Variants in DMRTA1 observed in about 807,000 individuals in gnomAD.
DMRTA1 encodes doublesex- and mab-3-related transcription factor A1.
In DMRTA1, 34 loss-of-function variants were observed where a neutral mutation model predicts 35.2. The ratio of observed to expected loss-of-function variants is 0.97; its 90% confidence interval spans 0.74 to 1.29. DMRTA1 has a LOEUF of 1.29. Among genes scored for constraint, DMRTA1 ranks in the 50% most tolerant of loss-of-function variants. DMRTA1 has a pLI of 0.00. For synonymous variants in DMRTA1, 344 were observed against 276.6 expected (o/e 1.24, Z -2.42); for missense variants, 824 against 644.6 (o/e 1.28, Z -3.01).
In DMRTA1 at chr9:22,447,532, T is replaced by C. The variant is rs748414619; in HGVS notation, c.467T>C (p.Leu156Pro). 49 of 1,582,298 alleles carry C rather than the reference T, an allele frequency of 3.1e-5. No individual in the cohort carries two copies. In the African/African-American group the frequency reaches 5.8e-4, roughly 19 times the overall value. The change falls in exon 1 of 2, where the codon CTA becomes CCA. Residue 156 changes from leucine (L) to proline (P), a missense_variant. Coordinates refer to ENST00000325870, the MANE Select transcript of DMRTA1 (RefSeq NM_022160.3). ...QAQEESEARGLQRLLCSGLSW... is the reference protein window; with the variant it reads ...QAQEESEARGPQRLLCSGLSW... ...CAGGAGGAGAGCGAAGCCCGGGGGCTACAGAGGCTCCTGTGCTCGGGGCTC... is the reference window on the plus strand; with the variant it reads ...CAGGAGGAGAGCGAAGCCCGGGGGCCACAGAGGCTCCTGTGCTCGGGGCTC...
At position 22,447,283 on chromosome 9, in the gene DMRTA1, G is replaced by T; in HGVS notation, c.218G>T (p.Gly73Val). 1 of 1,504,928 alleles carries T rather than the reference G, an allele frequency of 6.6e-7. No individual in the cohort carries two copies. Among genetic ancestry groups the T allele is most frequent in the South Asian group, 1.3e-5 (1 of 78,996 alleles). The allele number at this position is 1,504,928 out of a possible 1,614,324, so 93.2% of individuals were successfully genotyped here. The change falls in exon 1 of 2, where the codon GGC becomes GTC. Residue 73 changes from glycine (G) to valine (V), a missense_variant. Coordinates refer to ENST00000325870, the MANE Select transcript of DMRTA1 (RefSeq NM_022160.3). ...GCTGCCGCCACCTCGGGAAGCGGAG[G>T]CTGCCCGCCGGCTCCCGGGCTGGAG... ...AAAAATSGSG[G>V]CPPAPGLESG... is the part of the protein sequence containing the mutation.
chr9:22,446,946 C>A lies in DMRTA1; in HGVS notation c.-120C>A. 2 of 1,287,346 alleles carry A rather than the reference C, an allele frequency of 1.6e-6. No homozygotes were observed. Among genetic ancestry groups the A allele is most frequent in the South Asian group, 2.9e-5 (2 of 69,470 alleles). 79.7% of individuals were successfully genotyped at this position (1,287,346 alleles called of 1,614,324 possible). On this transcript the variant is annotated 5_prime_UTR_variant, in exon 1 of 2. Transcript: ENST00000325870. The stretch of plus-strand genomic sequence containing the variant: ...AAAGAGTGTAAAACTTTTGTCCGTG[C>A]GCGGGTGGAGCTCAGTAGGACCACG...
chr9:22,453,843 T>G lies in DMRTA1; in HGVS notation c.*1932T>G, dbSNP rs1437318785. On this transcript the variant is annotated 3_prime_UTR_variant, in exon 2 of 2. Transcript: ENST00000325870. The stretch of plus-strand genomic sequence containing the variant: ...TGCTATTTTTCTGAAAAGTGCTAGA[T>G]CCTGTAGAGGATACTGAATGTAAAA... The G allele has an allele frequency of 2.6e-5, 4 of 152,030 alleles. No homozygotes were observed. Among genetic ancestry groups the G allele is most frequent in the Admixed American group, 2.6e-4 (4 of 15,256 alleles). 9.4% of individuals were successfully genotyped at this position (152,030 alleles called of 1,614,324 possible).
In DMRTA1 at chr9:22,451,773, G is replaced by C. The variant is rs1818933773; in HGVS notation, c.1377G>C (p.Gly459=). The change falls in exon 2 of 2, where the codon GGG becomes GGC. Residue 459 remains glycine, a synonymous_variant. Transcript: ENST00000325870. ...TTATGTCACCCTACCTAACACCTGG[G>C]TTAGTACCAACCTTACCTTTTCGGC... ...SGFMSPYLTP[G]LVPTLPFRPA... 3 of 1,614,062 alleles carry C rather than the reference G, an allele frequency of 1.9e-6. No individual in the cohort carries two copies. Among genetic ancestry groups the C allele is most frequent in the African/African-American group, 1.3e-5 (1 of 75,034 alleles).
Position 22,451,342 on chromosome 9 carries a change from A to G in DMRTA1, c.946A>G (p.Lys316Glu). ...ATGGGTCAAAGACTTGACTGCGACC[A>G]AGGCAAGCCTTCCGACAGTGTCCTC... is the stretch of plus-strand genomic sequence containing the variant. The part of the protein sequence containing the change: ...SEWVKDLTAT[K>E]ASLPTVSSRP... Residue 316 changes from lysine to glutamate, a missense_variant, in exon 2 of 2, where the codon AAG (lysine) becomes GAG (glutamate). Physicochemically the swap from Lys to Glu is moderately conservative, Grantham distance 56. Transcript: ENST00000325870. 6.2e-7 allele frequency: 1 copy of G among 1,614,118 alleles called. No homozygotes were observed. Among genetic ancestry groups the G allele is most frequent in the Non-Finnish European group, 8.5e-7 (1 of 1,179,982 alleles).
chr9:22,453,612 T>G lies in DMRTA1; in HGVS notation c.*1701T>G, dbSNP rs1269308266. On this transcript the variant is annotated 3_prime_UTR_variant, in exon 2 of 2. Coordinates refer to ENST00000325870, the MANE Select transcript of DMRTA1 (RefSeq NM_022160.3). ...ACAATGTCTAGCAAGTAGTTGAAAT[T>G]CAATTCATATATACTGAGTAAGAAA... 1 of 152,114 alleles carries G rather than the reference T, an allele frequency of 6.6e-6. No homozygotes were observed. The highest frequency in any genetic ancestry group is 1.5e-5 in the Non-Finnish European group (1 of 67,944). The allele number at this position is 152,114 out of a possible 1,614,324, so 9.4% of individuals were successfully genotyped here. A position where few individuals can be genotyped will look rare whatever the true frequency, so the allele number is the denominator to read the frequency against.
At chr9:22,449,191 G>C (rs1036285591) in intron 1 of DMRTA1, among the ~76,000 whole-genome samples, 6 of 152,110 alleles carry the variant, frequency 3.9e-5, no homozygotes, top group Non-Finnish European at 8.8e-5. Flanking sequence ...TTACACAATA[G>C]CCATGAACTG....
Position 22,451,153 on chromosome 9 carries a change from A to G in DMRTA1, c.757A>G (p.Arg253Gly), listed in dbSNP as rs1563826321. The change falls in exon 2 of 2, where the codon AGG (arginine) becomes GGG (glycine). Residue 253 changes from arginine to glycine, a missense_variant. Physicochemically the swap from Arg to Gly is moderately radical, Grantham distance 125. Coordinates refer to ENST00000325870, the MANE Select transcript of DMRTA1 (RefSeq NM_022160.3). Reference sequence around the variant, plus strand: ...TCAGCTTTACCTAGGATCATCTTCTAGGTCTAATGGTGTCATTGGGAAACA... The same window carrying G: ...TCAGCTTTACCTAGGATCATCTTCTGGGTCTAATGGTGTCATTGGGAAACA... ...SHQLYLGSSS[R>G]SNGVIGKQSI... is the part of the protein sequence containing the mutation. 2 of 1,614,048 alleles carry G rather than the reference A, an allele frequency of 1.2e-6. No homozygotes were observed. The highest frequency in any genetic ancestry group is 1.7e-6 in the Non-Finnish European group (2 of 1,179,954).
chr9:22,452,009 A>G lies in DMRTA1; in HGVS notation c.*98A>G, dbSNP rs1267492210. On this transcript the variant is annotated 3_prime_UTR_variant, in exon 2 of 2. Coordinates refer to ENST00000325870, the MANE Select transcript of DMRTA1 (RefSeq NM_022160.3). ...CATCCATTAATATACTTCAGTAAGT[A>G]TGTGAGTGGATTATGAGGTCTTAAA... The G allele has an allele frequency of 7.3e-7, 1 of 1,374,526 alleles. No homozygotes were observed. Among genetic ancestry groups the G allele is most frequent in the Non-Finnish European group, 9.7e-7 (1 of 1,031,018 alleles). 85.1% of individuals were successfully genotyped at this position (1,374,526 alleles called of 1,614,324 possible).
chr9:22,451,649 C>T lies in DMRTA1; in HGVS notation c.1253C>T (p.Ser418Phe). ...TCTCCTCTTCAAACTACTTCTGCTT[C>T]TTATGGAGGTGATTCAAGTCTCTAC... ...AFSPLQTTSA[S>F]YGGDSSLYGV... Residue 418 changes from serine (S) to phenylalanine (F), a missense_variant, in exon 2 of 2, where the codon TCT becomes TTT. Coordinates refer to ENST00000325870, the MANE Select transcript of DMRTA1 (RefSeq NM_022160.3). 6.2e-7 allele frequency: 1 copy of T among 1,614,106 alleles called. No individual in the cohort carries two copies. The highest frequency in any genetic ancestry group is 8.5e-7 in the Non-Finnish European group (1 of 1,179,964).
Position 22,455,629 on chromosome 9 carries a change from C to T in DMRTA1, c.*3718C>T, listed in dbSNP as rs746442644. ...AGCGTACAGGCTTAGTTCCAGACTT[C>T]GTGTTTGGTTGTTCATTTCATAGGC... On this transcript the variant is annotated 3_prime_UTR_variant, in exon 2 of 2. Transcript: ENST00000325870. The T allele has an allele frequency of 1.3e-5, 2 of 152,104 alleles. No homozygotes were observed. Among genetic ancestry groups the T allele is most frequent in the African/African-American group, 2.4e-5 (1 of 41,420 alleles). 9.4% of individuals were successfully genotyped at this position (152,104 alleles called of 1,614,324 possible).
rs1818949263 is a variant in DMRTA1, at chr9:22,452,655, AAT to A, written c.*745_*746del. The stretch of plus-strand genomic sequence containing the variant: ...GCAACTGAGCTCTGTAGAGTATATG[AAT>A]TAGAAACATTGATTCCGGAGAATAA... On this transcript the variant is annotated 3_prime_UTR_variant, in exon 2 of 2. Transcript: ENST00000325870. 1 of 152,144 alleles carries A rather than the reference AAT, an allele frequency of 6.6e-6. No individual in the cohort carries two copies. The highest frequency in any genetic ancestry group is 2.4e-5 in the African/African-American group (1 of 41,448). 9.4% of individuals were successfully genotyped at this position (152,144 alleles called of 1,614,324 possible).
chr9:22,452,039 TG>T lies in DMRTA1; in HGVS notation c.*131del, dbSNP rs1313147934. 3.5e-6 allele frequency: 4 copies of T among 1,137,590 alleles called. No homozygotes were observed. Among genetic ancestry groups the T allele is most frequent in the Admixed American group, 3.0e-5 (1 of 32,812 alleles). The allele number at this position is 1,137,590 out of a possible 1,614,324, so 70.5% of individuals were successfully genotyped here. On this transcript the variant is annotated 3_prime_UTR_variant, in exon 2 of 2. Transcript: ENST00000325870. ...AGTGGATTATGAGGTCTTAAAATGC[TG>T]GGTTTTTTTTTTTTCAAGCAATATA...
chr9:22,447,990 T>C (rs1303460483), intron 1 of DMRTA1, among the ~76,000 whole-genome samples: 1 of 152,192 alleles, frequency 6.6e-6, no homozygotes, highest in Non-Finnish European at 1.5e-5. Flanking sequence ...TGGTAACAAA[T>C]GAGCAATTCA....
Position 22,453,113 on chromosome 9 carries a change from G to A in DMRTA1, c.*1202G>A, listed in dbSNP as rs1427325021. 6.6e-6 allele frequency: 1 copy of A among 151,978 alleles called. No homozygotes were observed. Among genetic ancestry groups the A allele is most frequent in the Non-Finnish European group, 1.5e-5 (1 of 67,932 alleles). The allele number at this position is 151,978 out of a possible 1,614,324, so 9.4% of individuals were successfully genotyped here. ...AAACAGTTTCTAGGACATTTTCTTT[G>A]TATGTCATCATTTTTCTTTTTTGAA... On this transcript the variant is annotated 3_prime_UTR_variant, in exon 2 of 2. Transcript: ENST00000325870.
rs1017481630 is a variant in DMRTA1 at position 22,455,128 on chromosome 9, T to C, written c.*3217T>C. The C allele has an allele frequency of 4.6e-5, 7 of 152,166 alleles. No homozygotes were observed. The highest frequency in any genetic ancestry group is 8.8e-5 in the Non-Finnish European group (6 of 68,030). 9.4% of individuals were successfully genotyped at this position (152,166 alleles called of 1,614,324 possible). On this transcript the variant is annotated 3_prime_UTR_variant, in exon 2 of 2. Coordinates refer to ENST00000325870, the MANE Select transcript of DMRTA1 (RefSeq NM_022160.3). ...CAGAAAAGAAAGACATAGAACGCAG[T>C]GCGTGACTTACAAGGGAATAAAACT... is the stretch of plus-strand genomic sequence containing the variant.
Position 22,447,550 on chromosome 9 carries a change from C to T in DMRTA1, c.485C>T (p.Ser162Leu). 4 of 1,590,072 alleles carry T rather than the reference C, an allele frequency of 2.5e-6. No individual in the cohort carries two copies. The highest frequency in any genetic ancestry group is 3.4e-6 in the Non-Finnish European group (4 of 1,168,818). Residue 162 changes from serine to leucine, a missense_variant, in exon 1 of 2, where the codon TCG becomes TTG. Physicochemically the swap from Ser to Leu is moderately radical, Grantham distance 145. Coordinates refer to ENST00000325870, the MANE Select transcript of DMRTA1 (RefSeq NM_022160.3). ...EARGLQRLLC[S>L]GLSWPPGGRA... is the part of the protein sequence containing the mutation. ...CGGGGGCTACAGAGGCTCCTGTGCT[C>T]GGGGCTCTCCTGGCCCCCCGGTGGT...
intron 1 of DMRTA1, 24 bp from the exon 2 acceptor site, chr9:22,451,040 T>C (rs41270141): frequency 0.038 from 59,780 of 1,570,034 alleles, 1,415 homozygotes; most frequent in African/African-American, 0.1. Context: ...CTGTATTTGA[T>C]TTTTTTTTCC....
In DMRTA1 at chr9:22,447,429, G is replaced by T. The variant is rs182619176; in HGVS notation, c.364G>T (p.Ala122Ser). ...HKRFCRWRDC[A>S]CAKCTLIAER... ...GCGCTTCTGCCGCTGGCGGGACTGC[G>T]CGTGTGCCAAGTGCACCCTGATCGC... The change falls in exon 1 of 2, where the codon GCG (alanine) becomes TCG (serine). Residue 122 changes from alanine to serine, a missense_variant. Transcript: ENST00000325870. 0.021 allele frequency: 32,467 copies of T among 1,552,634 alleles called. 467 individuals are homozygous for T. Among genetic ancestry groups the T allele is most frequent in the Non-Finnish European group, 0.023 (26,602 of 1,150,004 alleles).
Sources: allele counts gnomAD v4.1 joint callset (sites outside exome capture counted in the v4.1 genomes callset), GRCh38; gene constraint gnomAD v4.1.1; transcripts MANE v1.5; gene names NCBI Gene and HGNC (gene_info 2026-07-23, HGNC 2026-07-21).